The following AGAP1 variants were observed in gnomAD, a reference collection of about 807,000 sequenced individuals.
The protein encoded by AGAP1 is ArfGAP with GTPase domain, ankyrin repeat and PH domain 1, also known as arf-GAP with GTPase, ANK repeat and PH domain-containing protein 1.
A neutral mutation model predicts 105.3 loss-of-function variants in AGAP1; 29 were observed. The ratio of observed to expected loss-of-function variants is 0.28; its 90% CI spans 0.21 to 0.38. The LOEUF (loss-of-function observed/expected upper bound fraction) is 0.38. AGAP1 is among the 10% of genes least tolerant of loss of function. The probability of loss-of-function intolerance (pLI) is 1.00; values close to 1 mark genes in which losing one functional copy is unlikely to be tolerated. For synonymous variants in AGAP1, 509 were observed against 485.9 expected, an observed-to-expected ratio of 1.05 and a Z score of -0.63; for missense variants, 998 against 1,165.1, an observed-to-expected ratio of 0.86 and a Z score of 2.09.
chr2:236,025,789 C>T (rs1390268872), intron 13 of AGAP1, among the ~76,000 whole-genome samples: 1 of 151,996 alleles, frequency 6.6e-6, no homozygotes, highest in Non-Finnish European at 1.5e-5. Context: ...GTAATCCCAG[C>T]TACTCAGGAG....
intron 6 of AGAP1, among the ~76,000 whole-genome samples, chr2:235,771,569 T>C (rs1955452675): frequency 6.6e-6 from 1 of 152,202 alleles, no homozygotes; most frequent in African/African-American, 2.4e-5. Context: ...GAGAGCTCCA[T>C]CTGCCCTGTC....
Position 235,689,988 on chromosome 2 carries a change from G to A in AGAP1, c.164-19191G>A, listed in dbSNP as rs1244688818. ...AATTTTTTCAGATGGTAAATAGATC[G>A]CGTTGTTGCATGCGTTTGATGAAAG... On this transcript the variant is annotated intron_variant, in intron 1 of 17. Coordinates refer to ENST00000304032, the MANE Select transcript of AGAP1 (RefSeq NM_001037131.3). The surrounding 1 kb of genome is among the most constrained non-coding windows in gnomAD (Gnocchi z 4.2). Among the ~76,000 whole-genome samples the A allele has an allele frequency of 2.0e-5, 3 of 151,970 alleles. No individual in the cohort carries two copies. The highest frequency in any genetic ancestry group is 7.3e-5 in the African/African-American group (3 of 41,362).
In AGAP1 at chr2:236,040,865, G is replaced by T. The variant is rs1299650524; in HGVS notation, c.1891+24G>T. 1 of 1,613,328 alleles carries T rather than the reference G, an allele frequency of 6.2e-7. No homozygotes were observed. Among genetic ancestry groups the T allele is most frequent in the African/African-American group, 1.3e-5 (1 of 74,926 alleles). On this transcript the variant is annotated intron_variant, in intron 15 of 17. Transcript: ENST00000304032. The surrounding 1 kb of genome is among the most constrained non-coding windows in gnomAD (Gnocchi z 5.6). ...GAGTAAGTGTGTGCGGTGGTAGCAG[G>T]GGCTGGCGCTGTGTAGCTGGAGACC...
intron 6 of AGAP1, among the ~76,000 whole-genome samples, chr2:235,758,609 A>G (rs1954136640): frequency 6.6e-6 from 1 of 152,210 alleles, no homozygotes; most frequent in Non-Finnish European, 1.5e-5. Flanking sequence ...AAAGAGGTTC[A>G]GCTGCTTAAA....
intron 9 of AGAP1, among the ~76,000 whole-genome samples, chr2:235,835,987 A>C (rs1454450380): frequency 6.6e-6 from 1 of 152,204 alleles, no homozygotes. Context: ...ATTCATTTAG[A>C]TTTATAAGCA....
chr2:236,041,076 C>T (rs986374330), intron 15 of AGAP1, among the ~76,000 whole-genome samples: 10 of 152,270 alleles, frequency 6.6e-5, no homozygotes, highest in East Asian at 1.9e-4. Flanking sequence ...CTTAGGCATC[C>T]GATGAGCAGC....
chr2:235,861,414 T>A (rs952307133), intron 9 of AGAP1, among the ~76,000 whole-genome samples: 1 of 152,202 alleles, frequency 6.6e-6, no homozygotes, highest in Admixed American at 6.5e-5. Flanking sequence ...ACAGGCACCA[T>A]TGAAATCTAC....
intron 1 of AGAP1, among the ~76,000 whole-genome samples, chr2:235,570,124 C>T (rs775248515): frequency 2.6e-5 from 4 of 151,674 alleles, no homozygotes; most frequent in Non-Finnish European, 5.9e-5. Flanking sequence ...ACAGGGAGTT[C>T]CCAGGCTTCC....
intron 9 of AGAP1, among the ~76,000 whole-genome samples, chr2:235,823,798 A>G (rs1170493986): frequency 2.0e-5 from 3 of 152,230 alleles, no homozygotes; most frequent in African/African-American, 4.8e-5. Context: ...GATAAAAAGC[A>G]TTACCTTTGA....
rs1559414490 is a variant in AGAP1 at position 235,736,726 on chromosome 2, G to T, written c.311-4237G>T. On this transcript the variant is annotated intron_variant, in intron 3 of 17. Coordinates refer to ENST00000304032, the MANE Select transcript of AGAP1 (RefSeq NM_001037131.3). This position sits in a 1 kb window ranked among gnomAD's most constrained non-coding sequence, Gnocchi z 5.5. ...GTGGCGGCACATGTCCGTGGTCCCA[G>T]CTACTCAGGGAGGCTGAGGTGGGAG... 6.6e-6 allele frequency among the ~76,000 whole-genome samples: 1 copy of T among 152,160 alleles called. No individual in the cohort carries two copies. Among genetic ancestry groups the T allele is most frequent in the Non-Finnish European group, 1.5e-5 (1 of 68,028 alleles).
At chr2:235,738,724 A>AT (rs1282889529) in intron 3 of AGAP1, among the ~76,000 whole-genome samples, 2 of 151,642 alleles carry the variant, frequency 1.3e-5, no homozygotes, top group African/African-American at 4.8e-5. Flanking sequence ...CACCTGGCTA[A>AT]TTTTTGTATT....
intron 9 of AGAP1, among the ~76,000 whole-genome samples, chr2:235,820,143 G>T (rs1251918551): frequency 6.6e-6 from 1 of 151,970 alleles, no homozygotes; most frequent in Non-Finnish European, 1.5e-5. Context: ...CAGGTGATCT[G>T]CCTGCCTCGG....
chr2:235,900,308 CT>C lies in AGAP1; in HGVS notation c.1156-8428del, dbSNP rs1345592112. ...TCACTCCAGCCAACACTGTAACTTC[CT>C]TCTTAGCCTGTTGACTTTGAGGTAG... On this transcript the variant is annotated intron_variant, in intron 10 of 17. Coordinates refer to ENST00000304032, the MANE Select transcript of AGAP1 (RefSeq NM_001037131.3). This position sits in a 1 kb window ranked among gnomAD's most constrained non-coding sequence, Gnocchi z 5.5. Among the ~76,000 whole-genome samples the C allele has an allele frequency of 6.6e-6, 1 of 152,134 alleles. No homozygotes were observed. The highest frequency in any genetic ancestry group is 1.9e-4 in the East Asian group (1 of 5,150).
rs1480740390 is a variant in AGAP1 at position 236,124,538 on chromosome 2, G to C, written c.*416G>C. ...ATAGTACATTTCCCCTCTACCAAAC[G>C]GAACACTTGGATTCCATCTCTTCTC... On this transcript the variant is annotated 3_prime_UTR_variant, in exon 18 of 18. Coordinates refer to ENST00000304032, the MANE Select transcript of AGAP1 (RefSeq NM_001037131.3). The surrounding 1 kb of genome is among the most constrained non-coding windows in gnomAD (Gnocchi z 5.1). The C allele has an allele frequency of 4.4e-6, 1 of 228,082 alleles. No homozygotes were observed. Among genetic ancestry groups the C allele is most frequent in the Non-Finnish European group, 8.7e-6 (1 of 114,888 alleles). The allele number at this position is 228,082 out of a possible 1,614,324, so 14.1% of individuals were successfully genotyped here.
intron 2 of AGAP1, among the ~76,000 whole-genome samples, chr2:235,713,286 G>A (rs777506282): frequency 1.3e-5 from 2 of 152,204 alleles, no homozygotes; most frequent in Non-Finnish European, 2.9e-5. Context: ...AGAATAATTA[G>A]TAGGTAGAAA....
chr2:235,824,500 G>C lies in AGAP1; in HGVS notation c.1050+17169G>C, dbSNP rs1958963600. Among the ~76,000 whole-genome samples, 1 of 152,224 alleles carries C rather than the reference G, an allele frequency of 6.6e-6. No individual in the cohort carries two copies. ...AGAGATACTTGTAAACTCATTTACA[G>C]CGTCAGTGTGTGTTAGGACCATCAT... On this transcript the variant is annotated intron_variant, in intron 9 of 17. Transcript: ENST00000304032. This position sits in a 1 kb window ranked among gnomAD's most constrained non-coding sequence, Gnocchi z 5.2.
chr2:235,932,017 G>C (rs1463981598), intron 12 of AGAP1, among the ~76,000 whole-genome samples: 1 of 152,356 alleles, frequency 6.6e-6, no homozygotes, highest in South Asian at 2.1e-4. Flanking sequence ...AGATCTGCCT[G>C]CAGCTTCTTC....
Position 236,096,033 on chromosome 2 carries a change from C to T in AGAP1, c.2115-24159C>T, listed in dbSNP as rs2059183861. ...CCATGCTTCTTTATTGTTTTGGGTACTTGGAAATCCATTCTGCATTCGCTC... is the reference window on the plus strand; with the variant it reads ...CCATGCTTCTTTATTGTTTTGGGTATTTGGAAATCCATTCTGCATTCGCTC... On this transcript the variant is annotated intron_variant, in intron 16 of 17. Transcript: ENST00000304032. This position sits in a 1 kb window ranked among gnomAD's most constrained non-coding sequence, Gnocchi z 4.4. Among the ~76,000 whole-genome samples the T allele has an allele frequency of 6.6e-6, 1 of 152,144 alleles. No homozygotes were observed. The highest frequency in any genetic ancestry group is 1.5e-5 in the Non-Finnish European group (1 of 68,044).
chr2:236,120,475 A>G lies in AGAP1; in HGVS notation c.2370+28A>G, dbSNP rs749747518. 3 of 1,610,018 alleles carry G rather than the reference A, an allele frequency of 1.9e-6. No homozygotes were observed. The highest frequency in any genetic ancestry group is 1.3e-5 in the African/African-American group (1 of 74,852). On this transcript the variant is annotated intron_variant, in intron 17 of 17. Coordinates refer to ENST00000304032, the MANE Select transcript of AGAP1 (RefSeq NM_001037131.3). The surrounding 1 kb of genome is among the most constrained non-coding windows in gnomAD (Gnocchi z 6.0). Reference sequence around the variant, plus strand: ...AGGTGGTCGGCACGCCTGGCAGAGGACGGGGCCACAGGAGGCACTCTCTGC... The same window carrying G: ...AGGTGGTCGGCACGCCTGGCAGAGGGCGGGGCCACAGGAGGCACTCTCTGC...
Sources: gnomAD v4.1 joint callset for allele counts (sites outside exome capture counted in the v4.1 genomes callset) on GRCh38, gnomAD v4.1.1 for gene constraint, Gnocchi (gnomAD v3.1) non-coding constraint, MANE v1.5 for transcripts, NCBI Gene and HGNC (gene_info 2026-07-23, HGNC 2026-07-21) for gene names.